DMXL1: variants seen among roughly 807,000 people sequenced by gnomAD.
The protein encoded by DMXL1 is Dmx like 1.
In DMXL1, 99 loss-of-function variants were observed where a neutral mutation model predicts 319.2. The observed-to-expected ratio is 0.31, with a 90% CI of 0.26 to 0.37. The LOEUF (loss-of-function observed/expected upper bound fraction) is 0.37, where lower values mean the gene tolerates loss of function less well. Among genes scored for constraint, DMXL1 ranks in the 10% least tolerant of loss-of-function variants. The pLI is 1.00. For missense variants in DMXL1, 3,745 were observed against 3,595.6 expected (o/e 1.04, Z -1.06); for synonymous variants, 1,385 against 1,235.2 (o/e 1.12, Z -2.54).
At chr5:119,165,066 A>G in intron 20 of DMXL1, 117 bp from the exon 21 acceptor site, 1 of 644,978 alleles carries the variant, frequency 1.6e-6, no homozygotes. Flanking sequence ...TTATTCATAT[A>G]CATATTTTTA....
At chr5:119,184,951 G>T (rs1253663462) in intron 28 of DMXL1, among the ~76,000 whole-genome samples, 1 of 152,080 alleles carries the variant, frequency 6.6e-6, no homozygotes, top group Non-Finnish European at 1.5e-5. Flanking sequence ...TACTACTCTA[G>T]GGCAGTGACT....
chr5:119,152,578 C>G (rs1484569259), intron 19 of DMXL1, among the ~76,000 whole-genome samples: 1 of 152,192 alleles, frequency 6.6e-6, no homozygotes, highest in Non-Finnish European at 1.5e-5. Context: ...TGTTAGTTCT[C>G]TTACTTTGAA....
Position 119,081,505 on chromosome 5 carries a change from A to G in DMXL1, c.87+9849A>G, listed in dbSNP as rs1752184098. The G allele has an allele frequency of 3.3e-6, 3 of 921,808 alleles. No individual in the cohort carries two copies. The South Asian group carries it at 1.5e-4, about 46-fold the overall frequency. 57.1% of individuals were successfully genotyped at this position (921,808 alleles called of 1,614,324 possible). On this transcript the variant is annotated intron_variant, in intron 1 of 43. Coordinates refer to ENST00000539542, the MANE Select transcript of DMXL1 (RefSeq NM_001290321.3). Reference sequence around the variant, plus strand: ...CTGCTTGAGAACATACTTTGACTCAAACATCTTCACACTTAAGTCAATTAA... The same window carrying G: ...CTGCTTGAGAACATACTTTGACTCAGACATCTTCACACTTAAGTCAATTAA...
chr5:119,220,617 T>A (rs766757205), intron 36 of DMXL1, 24 bp downstream of exon 36: 26 of 1,604,406 alleles, frequency 1.6e-5, no homozygotes, highest in Admixed American at 3.5e-5. Flanking sequence ...TTGTTTCTAT[T>A]TAGTAATGTT....
Position 119,233,368 on chromosome 5 carries a change from C to G in DMXL1, c.8367C>G (p.Val2789=). The change falls in exon 39 of 44, where the codon GTC becomes GTG. Residue 2789 remains valine, a synonymous_variant. Coordinates refer to ENST00000539542, the MANE Select transcript of DMXL1 (RefSeq NM_001290321.3). ...YYLTGAQDGS[V]RMFEWGHSQQ... is the part of the protein sequence containing the mutation. ...TGACAGGAGCTCAAGATGGAAGTGT[C>G]AGAATGTTTGAATGGGGCCATTCTC... The G allele has an allele frequency of 6.2e-7, 1 of 1,612,892 alleles. No individual in the cohort carries two copies.
At chr5:119,153,347 T>A (rs565544014) in intron 19 of DMXL1, among the ~76,000 whole-genome samples, 1 of 152,334 alleles carries the variant, frequency 6.6e-6, no homozygotes, top group African/African-American at 2.4e-5. Flanking sequence ...GGGTACAAAG[T>A]AATGTTCTGA....
At chr5:119,208,577 A>G (rs1782166063) in intron 34 of DMXL1, among the ~76,000 whole-genome samples, 1 of 152,154 alleles carries the variant, frequency 6.6e-6, no homozygotes, top group Non-Finnish European at 1.5e-5. Context: ...GCTAATAATC[A>G]TAATGTTGTA....
At chr5:119,103,661 TG>T (rs1394950351) in intron 3 of DMXL1, among the ~76,000 whole-genome samples, 1 of 152,214 alleles carries the variant, frequency 6.6e-6, no homozygotes, top group Non-Finnish European at 1.5e-5. Context: ...GATTGCCTAG[TG>T]AATCCACTAT....
chr5:119,213,966 G>A (rs1783232498), intron 34 of DMXL1, among the ~76,000 whole-genome samples: 1 of 151,996 alleles, frequency 6.6e-6, no homozygotes, highest in South Asian at 2.1e-4. Context: ...CTACTGAATT[G>A]TCCTTTTTCC....
At chr5:119,092,688 C>T (rs1459848376) in intron 1 of DMXL1, among the ~76,000 whole-genome samples, 1 of 152,172 alleles carries the variant, frequency 6.6e-6, no homozygotes, top group Admixed American at 6.5e-5. Context: ...TGCTATCTTA[C>T]AGCCACTTAC....
At position 119,143,837 on chromosome 5, in the gene DMXL1, A is replaced by C; in HGVS notation, c.2377-4A>C. On this transcript the variant is annotated splice_region_variant and splice_polypyrimidine_tract_variant and intron_variant, in intron 13 of 43. Coordinates refer to ENST00000539542, the MANE Select transcript of DMXL1 (RefSeq NM_001290321.3). ...TAAATTATAAATTTTTTTAAAAAAA[A>C]CAGAAATATGTTGGTGAAGTCTTTA... 1 of 1,555,554 alleles carries C rather than the reference A, an allele frequency of 6.4e-7. No individual in the cohort carries two copies. The highest frequency in any genetic ancestry group is 8.7e-7 in the Non-Finnish European group (1 of 1,154,500).
intron 4 of DMXL1, among the ~76,000 whole-genome samples, chr5:119,107,645 C>T (rs1249270324): frequency 1.3e-5 from 2 of 152,158 alleles, no homozygotes; most frequent in South Asian, 4.2e-4. Context: ...AGTTTATATT[C>T]TGTATTAAAT....
At chr5:119,184,457 G>C (rs972153239) in intron 28 of DMXL1, among the ~76,000 whole-genome samples, 6 of 152,090 alleles carry the variant, frequency 3.9e-5, no homozygotes, top group African/African-American at 1.4e-4. Flanking sequence ...AAGTCCTGCA[G>C]CAAAATGGCT....
At chr5:119,171,411 G>T (rs1167048755) in intron 24 of DMXL1, 131 bp downstream of exon 24, 6 of 877,664 alleles carry the variant, frequency 6.8e-6, no homozygotes, top group Non-Finnish European at 1.0e-5. Context: ...CCTTTTGTGT[G>T]GTCCTTCATA....
Position 119,133,249 on chromosome 5 carries a change from A to G in DMXL1, c.1433A>G (p.Gln478Arg), listed in dbSNP as rs200360281. 1 of 1,614,194 alleles carries G rather than the reference A, an allele frequency of 6.2e-7. No individual in the cohort carries two copies. Among genetic ancestry groups the G allele is most frequent in the African/African-American group, 1.3e-5 (1 of 75,056 alleles). ...TSLSSAAIDHQIEVLLSEWSK... is the reference protein window; with the variant it reads ...TSLSSAAIDHRIEVLLSEWSK... Reference sequence around the variant, plus strand: ...TTATCGTCAGCTGCCATTGATCATCAGATTGAAGTACTTCTGTCTGAATGG... The same window carrying G: ...TTATCGTCAGCTGCCATTGATCATCGGATTGAAGTACTTCTGTCTGAATGG... The change falls in exon 11 of 44, where the codon CAG (glutamine) becomes CGG (arginine). Residue 478 changes from glutamine to arginine, a missense_variant. Physicochemically the swap from Gln to Arg is conservative, Grantham distance 43 (BLOSUM62 1). Around this residue, in one of 4 missense-constraint regions of DMXL1, gnomAD observed 2,096 missense variants for 1,985.4 expected, o/e 1.06. Transcript: ENST00000539542.
chr5:119,240,447 G>C lies in DMXL1; in HGVS notation c.8680G>C (p.Ala2894Pro). ...CGTATGTTTGTGGGATACTCTTGTA[G>C]CACCTGCCAATAGTTTAGTCCATGG... ...RNVCLWDTLV[A>P]PANSLVHAFT... Residue 2894 changes from alanine (A) to proline (P), a missense_variant, in exon 42 of 44, where the codon GCA (alanine) becomes CCA (proline). Transcript: ENST00000539542. 6.2e-7 allele frequency: 1 copy of C among 1,606,846 alleles called. No individual in the cohort carries two copies. Among genetic ancestry groups the C allele is most frequent in the Non-Finnish European group, 8.5e-7 (1 of 1,176,682 alleles).
intron 26 of DMXL1, 98 bp from the exon 27 acceptor site, chr5:119,177,259 A>G: frequency 1.2e-6 from 1 of 804,964 alleles, no homozygotes; most frequent in Non-Finnish European, 1.8e-6. Flanking sequence ...TAGCAGTATA[A>G]TTAATAAACA....
intron 21 of DMXL1, among the ~76,000 whole-genome samples, chr5:119,166,003 C>G (rs1438842891): frequency 6.6e-6 from 1 of 152,188 alleles, no homozygotes; most frequent in African/African-American, 2.4e-5. Context: ...ATGGGCCAGC[C>G]TACCCCACAA....
In DMXL1 at chr5:119,120,986, T is replaced by A. The variant is rs1389362729; in HGVS notation, c.949T>A (p.Phe317Ile). The A allele has an allele frequency of 5.6e-6, 9 of 1,608,034 alleles. No individual in the cohort carries two copies. In the South Asian group the frequency reaches 1.0e-4, roughly 18 times the overall value. Residue 317 changes from phenylalanine to isoleucine, a missense_variant, in exon 9 of 44, where the codon TTT (phenylalanine) becomes ATT (isoleucine). Physicochemically the swap from Phe to Ile is conservative, Grantham distance 21. Coordinates refer to ENST00000539542, the MANE Select transcript of DMXL1 (RefSeq NM_001290321.3). Reference protein sequence around the residue: ...QNALEVNLRHFRRGRRRSLAL... With the variant: ...QNALEVNLRHIRRGRRRSLAL... Reference sequence around the variant, plus strand: ...ATTCACACAGGTAAATCTGAGACATTTTCGTAGAGGTCGGAGGAGATCACT... The same window carrying A: ...ATTCACACAGGTAAATCTGAGACATATTCGTAGAGGTCGGAGGAGATCACT...
Sources: allele counts gnomAD v4.1 joint callset (sites outside exome capture counted in the v4.1 genomes callset), GRCh38; gene constraint gnomAD v4.1.1; regional missense constraint gnomAD v4.1.1; transcripts MANE v1.5; gene names NCBI Gene and HGNC (gene_info 2026-07-23, HGNC 2026-07-21).